RB1: variants seen among roughly 807,000 people sequenced by gnomAD.
The protein encoded by RB1 is retinoblastoma-associated protein.
RB1 carries 18 observed loss-of-function variants against 135.4 expected under a neutral mutation model. The ratio of observed to expected loss-of-function variants is 0.13; its 90% CI spans 0.09 to 0.20. The LOEUF (loss-of-function observed/expected upper bound fraction) is 0.20, where lower values mean the gene tolerates loss of function less well. Ranked by LOEUF, RB1 falls within the 10% of genes least tolerant of loss-of-function variation. RB1 has a pLI of 1.00. For synonymous variants in RB1, 365 were observed against 373.2 expected, an observed-to-expected ratio of 0.98 and a Z score of 0.25; for missense variants, 868 against 1,110.0, an observed-to-expected ratio of 0.78 and a Z score of 3.10.
rs138956798 is a variant in RB1 at position 48,416,899 on chromosome 13, A to G, written c.1695+35456A>G. ...CTCTCTGGGCAGGGCATCTCTGAAA[A>G]AAAGGCAGCAGCCCCAGTCAGGGGC... On this transcript the variant is annotated intron_variant, in intron 17 of 26. Transcript: ENST00000267163. 7.9e-4 allele frequency among the ~76,000 whole-genome samples: 121 copies of G among 152,300 alleles called. No homozygotes were observed. In the East Asian group the frequency reaches 0.016, roughly 20 times the overall value.
intron 11 of RB1, among the ~76,000 whole-genome samples, chr13:48,370,172 T>C (rs559682310): frequency 6.6e-5 from 10 of 151,678 alleles, no homozygotes; most frequent in Admixed American, 2.0e-4. Context: ...TTTTAGGGAG[T>C]GGGAACAGCA....
intron 17 of RB1, among the ~76,000 whole-genome samples, chr13:48,406,917 G>A (rs372739737): frequency 2.7e-5 from 4 of 149,782 alleles, no homozygotes; most frequent in Admixed American, 6.6e-5. Context: ...AAACAAACAG[G>A]GTTCTTACCC....
chr13:48,471,473 G>A (rs1949468965), intron 23 of RB1, among the ~76,000 whole-genome samples: 1 of 126,406 alleles, frequency 7.9e-6, no homozygotes, highest in Non-Finnish European at 1.7e-5. Context: ...TGACACGTTA[G>A]TGGGTGCAGC....
At chr13:48,408,012 A>G (rs1948755035) in intron 17 of RB1, among the ~76,000 whole-genome samples, 1 of 152,158 alleles carries the variant, frequency 6.6e-6, no homozygotes, top group African/African-American at 2.4e-5. Flanking sequence ...TGTAGGACCA[A>G]AAAGCAATTG....
At chr13:48,329,302 C>G (rs1251249678) in intron 2 of RB1, among the ~76,000 whole-genome samples, 1 of 152,056 alleles carries the variant, frequency 6.6e-6, no homozygotes, top group African/African-American at 2.4e-5. Flanking sequence ...CATCAGGTAC[C>G]TATTATTAGT....
At chr13:48,382,489 A>T (rs1303782885) in intron 17 of RB1, among the ~76,000 whole-genome samples, 1 of 152,192 alleles carries the variant, frequency 6.6e-6, no homozygotes, top group Middle Eastern at 3.2e-3. Flanking sequence ...GGCTGCATAA[A>T]TGTCTTCTTT....
intron 11 of RB1, among the ~76,000 whole-genome samples, chr13:48,370,469 C>T (rs1049744443): frequency 6.6e-6 from 1 of 152,146 alleles, no homozygotes; most frequent in Non-Finnish European, 1.5e-5. Context: ...GATCTTCTGA[C>T]CAAAGGGCTT....
chr13:48,398,192 A>G (rs774326770), intron 17 of RB1, among the ~76,000 whole-genome samples: 3 of 152,162 alleles, frequency 2.0e-5, no homozygotes, highest in Non-Finnish European at 4.4e-5. Context: ...CCATGTATTT[A>G]CTTTTCTTTG....
chr13:48,338,112 T>G lies in RB1; in HGVS notation c.265-4487T>G, dbSNP rs185314437. Among the ~76,000 whole-genome samples the G allele has an allele frequency of 2.5e-3, 383 of 152,342 alleles. 3 individuals are homozygous for G. Among genetic ancestry groups the G allele is most frequent in the African/African-American group, 8.6e-3 (356 of 41,568 alleles). On this transcript the variant is annotated intron_variant, in intron 2 of 26. Transcript: ENST00000267163. ...ACCTTTCTCTCTGGCTGCCTTAACA[T>G]TTTTTCCTTCATTTCAACTTTGGTG...
intron 2 of RB1, chr13:48,328,689 C>T: frequency 2.1e-6 from 1 of 467,322 alleles, no homozygotes; most frequent in South Asian, 2.2e-5. Context: ...CAGCTCCCAG[C>T]AGTCAAGAGT....
chr13:48,433,540 TAAA>T lies in RB1; in HGVS notation c.1696-19452_1696-19450del, dbSNP rs576787507. On this transcript the variant is annotated intron_variant, in intron 17 of 26. Coordinates refer to ENST00000267163, the MANE Select transcript of RB1 (RefSeq NM_000321.3). ...AGAATTTCTGCCACTAAATAAGTCT[TAAA>T]TAAGTATGCCACATAGGATAGACTG... Among the ~76,000 whole-genome samples, 16 of 152,290 alleles carry T rather than the reference TAAA, an allele frequency of 1.1e-4. No individual in the cohort carries two copies. The East Asian group carries it at 3.1e-3, about 29-fold the overall frequency.
At chr13:48,304,374 G>GA (rs1384698417) in intron 1 of RB1, among the ~76,000 whole-genome samples, 1 of 152,110 alleles carries the variant, frequency 6.6e-6, no homozygotes, top group Non-Finnish European at 1.5e-5. Context: ...CGCAAAAAAT[G>GA]AAAAATAAAA....
rs1949507139 is a variant in RB1 at position 48,476,822 on chromosome 13, G to C, written c.2642G>C (p.Gly881Ala). 2 of 1,613,608 alleles carry C rather than the reference G, an allele frequency of 1.2e-6. No homozygotes were observed. The highest frequency in any genetic ancestry group is 2.7e-5 in the African/African-American group (2 of 75,026). ...AAAAAACTACGCTTTGATATTGAAG[G>C]ATCAGATGAAGCAGATGGAAGGTAG... ...PLKKLRFDIE[G>A]SDEADGSKHL... is the part of the protein sequence containing the mutation. Residue 881 changes from glycine (G) to alanine (A), a missense_variant, in exon 25 of 27, where the codon GGA becomes GCA. Gly to Ala is a moderately conservative substitution (Grantham distance 60, BLOSUM62 0). Around this residue, in one of 3 missense-constraint regions of RB1, gnomAD observed 196 missense variants for 239.8 expected, o/e 0.82. Transcript: ENST00000267163.
intron 7 of RB1, among the ~76,000 whole-genome samples, chr13:48,362,233 A>G (rs1419737783): frequency 6.6e-6 from 1 of 152,106 alleles, no homozygotes; most frequent in African/African-American, 2.4e-5. Context: ...GGCGTGAGCC[A>G]CCACACCCAG....
chr13:48,377,349 G>A (rs948942752), intron 13 of RB1, among the ~76,000 whole-genome samples: 8 of 152,112 alleles, frequency 5.3e-5, no homozygotes, highest in African/African-American at 1.7e-4. Context: ...ATGTATGACT[G>A]TTCATGTATG....
chr13:48,480,445 G>T lies in RB1; in HGVS notation c.*374G>T, dbSNP rs1350124520. 2 of 248,990 alleles carry T rather than the reference G, an allele frequency of 8.0e-6. No individual in the cohort carries two copies. Among genetic ancestry groups the T allele is most frequent in the Non-Finnish European group, 1.6e-5 (2 of 127,724 alleles). 15.4% of individuals were successfully genotyped at this position (248,990 alleles called of 1,614,324 possible). A position where few individuals can be genotyped will look rare whatever the true frequency, so the allele number is the denominator to read the frequency against. On this transcript the variant is annotated 3_prime_UTR_variant, in exon 27 of 27. Transcript: ENST00000267163. Reference sequence around the variant, plus strand: ...CTTTTGTAGCATATAGGTGATGTTTGCTCTTGTTTTTATTAATTTATATGT... The same window carrying T: ...CTTTTGTAGCATATAGGTGATGTTTTCTCTTGTTTTTATTAATTTATATGT...
intron 17 of RB1, chr13:48,391,631 CT>C (rs1431593497): frequency 1.3e-5 from 2 of 149,776 alleles, no homozygotes; most frequent in Non-Finnish European, 3.0e-5. Context: ...TTTTTTTTTT[CT>C]TTTTGAGATG....
intron 2 of RB1, among the ~76,000 whole-genome samples, chr13:48,338,873 G>A (rs1593432096): frequency 6.7e-6 from 1 of 148,864 alleles, no homozygotes; most frequent in East Asian, 2.5e-4. Flanking sequence ...TGTCGTTTCT[G>A]TTTGTTAGTT....
intron 2 of RB1, among the ~76,000 whole-genome samples, chr13:48,339,569 G>A (rs1001990236): frequency 6.6e-6 from 1 of 152,188 alleles, no homozygotes; most frequent in African/African-American, 2.4e-5. Flanking sequence ...GGTGCCATCT[G>A]TCACAGCTTC....
Sources: gnomAD v4.1 joint callset for allele counts (sites outside exome capture counted in the v4.1 genomes callset) on GRCh38, gnomAD v4.1.1 for gene constraint, gnomAD v4.1.1 regional missense constraint, MANE v1.5 for transcripts, NCBI Gene and HGNC (gene_info 2026-07-23, HGNC 2026-07-21) for gene names.